The following ENTREP2 variants were observed in gnomAD, a reference collection of about 807,000 sequenced individuals.
The protein encoded by ENTREP2 is endosomal transmembrane epsin interactor 2.
At chr15:29,438,612 T>G in the ENTREP2 span, among the ~76,000 whole-genome samples, 1 of 152,060 alleles carries the variant, frequency 6.6e-6, no homozygotes, top group Non-Finnish European at 1.5e-5. Context: ...ACCCGGCCCC[T>G]GTACCTGAAT....
At chr15:29,174,702 C>CAAAAAAAAAAAAAAAAAAA in the ENTREP2 span, among the ~76,000 whole-genome samples, 16 of 115,830 alleles carry the variant, frequency 1.4e-4, no homozygotes, top group East Asian at 5.6e-4. Flanking sequence ...CAAAACAAAA[C>CAAAAAAAAAAAAAAAAAAA]AAAACAACAA....
At chr15:29,212,340 C>T in the ENTREP2 span, among the ~76,000 whole-genome samples, 3 of 152,104 alleles carry the variant, frequency 2.0e-5, no homozygotes, top group African/African-American at 7.2e-5. Context: ...CGTTTCATTT[C>T]TTATTGAGCT....
the ENTREP2 span, among the ~76,000 whole-genome samples, chr15:29,394,270 AG>A: frequency 6.6e-6 from 1 of 152,192 alleles, no homozygotes; most frequent in African/African-American, 2.4e-5. Context: ...GATTCTTTGA[AG>A]GTTGACAAAA....
chr15:29,395,029 G>A, the ENTREP2 span, among the ~76,000 whole-genome samples: 13 of 150,330 alleles, frequency 8.6e-5, no homozygotes, highest in Middle Eastern at 3.4e-3. Context: ...CTGGGCTACA[G>A]GCGCCCACCA....
chr15:29,514,598 CT>C, the ENTREP2 span, among the ~76,000 whole-genome samples: 3 of 152,194 alleles, frequency 2.0e-5, no homozygotes, highest in African/African-American at 7.2e-5. Flanking sequence ...GGTTCCATGC[CT>C]TTCCTTTCCT....
chr15:29,394,880 CTCT>C, the ENTREP2 span, among the ~76,000 whole-genome samples: 1,300 of 68,898 alleles, frequency 0.019, 22 homozygotes, highest in African/African-American at 0.062. Flanking sequence ...GTGTCAGAAT[CTCT>C]TTTTTTTTTT....
At chr15:29,641,285 T>C in the ENTREP2 span, among the ~76,000 whole-genome samples, 3 of 152,212 alleles carry the variant, frequency 2.0e-5, no homozygotes, top group African/African-American at 7.2e-5. Flanking sequence ...CTCTACTCAA[T>C]ATTATACCGG....
the ENTREP2 span, among the ~76,000 whole-genome samples, chr15:29,326,834 A>G: frequency 6.6e-6 from 1 of 152,304 alleles, no homozygotes; most frequent in East Asian, 1.9e-4. Context: ...TAGTATAAAC[A>G]AGTCAACATG....
chr15:29,458,115 T>C, the ENTREP2 span, among the ~76,000 whole-genome samples: 1 of 152,126 alleles, frequency 6.6e-6, no homozygotes, highest in Admixed American at 6.5e-5. Context: ...AGACCCAGGA[T>C]AGCTAGCATG....
the ENTREP2 span, among the ~76,000 whole-genome samples, chr15:29,427,692 G>A: frequency 2.0e-5 from 3 of 152,134 alleles, no homozygotes; most frequent in Middle Eastern, 3.4e-3. Context: ...TCAGATACCC[G>A]GCATAACCTC....
chr15:29,450,782 C>T, the ENTREP2 span, among the ~76,000 whole-genome samples: 3 of 152,142 alleles, frequency 2.0e-5, no homozygotes, highest in African/African-American at 7.2e-5. Flanking sequence ...TATGATGCGG[C>T]CATTAAAAAG....
the ENTREP2 span, among the ~76,000 whole-genome samples, chr15:29,528,993 T>C: frequency 4.6e-5 from 7 of 151,748 alleles, no homozygotes; most frequent in African/African-American, 1.7e-4. Context: ...TCCCATGTGA[T>C]TGTACTTGAA....
At chr15:29,482,164 A>ATTTTTTTTTTTTTT in the ENTREP2 span, among the ~76,000 whole-genome samples, 3 of 135,260 alleles carry the variant, frequency 2.2e-5, no homozygotes, top group African/African-American at 8.5e-5. Context: ...CAGGCAGCTA[A>ATTTTTTTTTTTTTT]TTTTTTTTTT....
At chr15:29,137,267 C>T in the ENTREP2 span, 797 of 1,310,608 alleles carry the variant, frequency 6.1e-4, no homozygotes, top group Non-Finnish European at 7.6e-4. Context: ...GCTAATTATA[C>T]GAGAGCTTTA....
the ENTREP2 span, among the ~76,000 whole-genome samples, chr15:29,278,326 G>T: frequency 6.6e-6 from 1 of 152,250 alleles, no homozygotes; most frequent in Non-Finnish European, 1.5e-5. Flanking sequence ...GAAGTCCTGG[G>T]AAAAGCAAGG....
chr15:29,268,911 C>A, the ENTREP2 span: 2 of 1,614,198 alleles, frequency 1.2e-6, no homozygotes, highest in East Asian at 4.5e-5. Flanking sequence ...TGGCCACAAA[C>A]TTAAGAACTT....
the ENTREP2 span, among the ~76,000 whole-genome samples, chr15:29,327,832 G>A: frequency 6.6e-6 from 1 of 152,138 alleles, no homozygotes; most frequent in Non-Finnish European, 1.5e-5. Flanking sequence ...AGACCAACAG[G>A]AATTTTTATC....
the ENTREP2 span, among the ~76,000 whole-genome samples, chr15:29,447,166 A>C: frequency 1.1e-4 from 16 of 152,338 alleles, no homozygotes; most frequent in East Asian, 2.5e-3. Context: ...TTTTTAATTA[A>C]AATATTTTAA....
chr15:29,213,517 G>A, the ENTREP2 span, among the ~76,000 whole-genome samples: 2 of 152,096 alleles, frequency 1.3e-5, no homozygotes, highest in African/African-American at 4.8e-5. Flanking sequence ...TCCCTTGTAA[G>A]TTGGATTCCT....
Sources: allele counts gnomAD v4.1 joint callset (sites outside exome capture counted in the v4.1 genomes callset), GRCh38; gene constraint gnomAD v4.1.1; transcripts MANE v1.5; gene names NCBI Gene and HGNC (gene_info 2026-07-23, HGNC 2026-07-21).